The following STK32A variants were observed in gnomAD, a reference collection of about 807,000 sequenced individuals.
The protein encoded by STK32A is serine/threonine-protein kinase 32A.
Under a neutral mutation model 53.2 loss-of-function variants are expected in STK32A, and 41 were observed. That is an observed-to-expected ratio of 0.77 (90% confidence interval 0.60 to 1.00). The LOEUF (loss-of-function observed/expected upper bound fraction) is 1.00, where lower values mean the gene tolerates loss of function less well. Among genes scored for constraint, STK32A ranks in the 50% least tolerant of loss-of-function variants. The probability of loss-of-function intolerance (pLI) is 0.00; values close to 1 mark genes in which losing one functional copy is unlikely to be tolerated. For missense variants in STK32A, 458 were observed against 485.8 expected (o/e 0.94, Z 0.54); for synonymous variants, 166 against 162.8 (o/e 1.02, Z -0.15).
chr5:147,292,960 A>C (rs1166908745), intron 4 of STK32A, among the ~76,000 whole-genome samples: 1 of 152,194 alleles, frequency 6.6e-6, no homozygotes, highest in Non-Finnish European at 1.5e-5. Context: ...CGAACTGATG[A>C]ACTTTTATAT....
At chr5:147,334,234 C>T (rs374088303) in intron 5 of STK32A, among the ~76,000 whole-genome samples, 2 of 152,282 alleles carry the variant, frequency 1.3e-5, no homozygotes, top group South Asian at 2.1e-4. Flanking sequence ...GTCACTACCA[C>T]ATAAAGTAGT....
intron 1 of STK32A, among the ~76,000 whole-genome samples, chr5:147,235,486 C>A (rs1753273739): frequency 6.6e-6 from 1 of 152,320 alleles, no homozygotes; most frequent in South Asian, 2.1e-4. Flanking sequence ...TCTAAACAAG[C>A]AAAACCTAGC....
chr5:147,347,435 C>T (rs564555070), intron 6 of STK32A, among the ~76,000 whole-genome samples: 83 of 152,198 alleles, frequency 5.5e-4, no homozygotes, highest in South Asian at 1.2e-3. Context: ...CGTAATTTTG[C>T]TCTACTCCTT....
At chr5:147,245,482 TTGG>T (rs1286394671) in intron 2 of STK32A, among the ~76,000 whole-genome samples, 1 of 152,186 alleles carries the variant, frequency 6.6e-6, no homozygotes, top group Non-Finnish European at 1.5e-5. Flanking sequence ...TTGTGGTTGG[TTGG>T]TATGGTTTTG....
At chr5:147,383,862 A>C in intron 12 of STK32A, 28 bp from the exon 13 acceptor site, 1 of 1,430,436 alleles carries the variant, frequency 7.0e-7, no homozygotes, top group Non-Finnish European at 9.5e-7. Context: ...AAAGAATAAA[A>C]CATCTTTTTT....
intron 2 of STK32A, among the ~76,000 whole-genome samples, chr5:147,259,838 CTCTG>C (rs1238183285): frequency 7.7e-6 from 1 of 129,806 alleles, no homozygotes; most frequent in Non-Finnish European, 1.6e-5. Flanking sequence ...TTTCTCTCTC[CTCTG>C]TCTCTCTCCT....
At chr5:147,305,373 AC>A (rs1021327808) in intron 4 of STK32A, among the ~76,000 whole-genome samples, 1 of 152,114 alleles carries the variant, frequency 6.6e-6, no homozygotes, top group Non-Finnish European at 1.5e-5. Context: ...CCCTGGCTCC[AC>A]CCACTTCCCT....
At chr5:147,352,546 C>T (rs1431759512) in intron 7 of STK32A, among the ~76,000 whole-genome samples, 1 of 152,276 alleles carries the variant, frequency 6.6e-6, no homozygotes, top group Non-Finnish European at 1.5e-5. Flanking sequence ...CTAGTGTCCT[C>T]GAGGGGGCAC....
At position 147,324,076 on chromosome 5, in the gene STK32A, G is replaced by A. The variant is rs201270813; in HGVS notation, c.434+5G>A. 1.8e-5 allele frequency: 29 copies of A among 1,597,590 alleles called. No homozygotes were observed. Among genetic ancestry groups the A allele is most frequent in the Non-Finnish European group, 2.4e-5 (28 of 1,172,074 alleles). ...GAACCAGCGCATCATTCACAGGTCAGTCAAGTCCAAGGAGATGGCCATGAA... is the reference window on the plus strand; with the variant it reads ...GAACCAGCGCATCATTCACAGGTCAATCAAGTCCAAGGAGATGGCCATGAA... On this transcript the variant is annotated splice_donor_5th_base_variant and intron_variant, in intron 5 of 12. Coordinates refer to ENST00000397936, the MANE Select transcript of STK32A (RefSeq NM_001112724.2).
intron 7 of STK32A, among the ~76,000 whole-genome samples, chr5:147,354,912 A>G (rs969130100): frequency 3.9e-5 from 6 of 152,180 alleles, no homozygotes; most frequent in Admixed American, 3.9e-4. Context: ...TTCCAAAATG[A>G]TTATGTGATT....
chr5:147,340,475 G>A (rs1020379083), intron 5 of STK32A, among the ~76,000 whole-genome samples: 1 of 152,180 alleles, frequency 6.6e-6, no homozygotes, highest in African/African-American at 2.4e-5. Context: ...GTAAAGAAGT[G>A]ATGCTAAAAT....
chr5:147,351,259 C>A, intron 7 of STK32A, 105 bp downstream of exon 7: 1 of 905,724 alleles, frequency 1.1e-6, no homozygotes, highest in Non-Finnish European at 1.7e-6. Context: ...AAGTTCCTCT[C>A]TGACTTTACC....
chr5:147,284,245 C>T (rs887854082), intron 4 of STK32A, among the ~76,000 whole-genome samples: 1 of 151,982 alleles, frequency 6.6e-6, no homozygotes, highest in African/African-American at 2.4e-5. Context: ...AAACCCTCAG[C>T]AAAATCAGCA....
intron 2 of STK32A, among the ~76,000 whole-genome samples, chr5:147,271,781 T>G (rs7716200): frequency 0.59 from 89,886 of 151,816 alleles, 27,039 homozygotes; most frequent in African/African-American, 0.68. Flanking sequence ...TGGTCAGACC[T>G]GTTGCTCTCA....
chr5:147,377,780 C>T (rs1201331736), intron 11 of STK32A, among the ~76,000 whole-genome samples: 1 of 152,014 alleles, frequency 6.6e-6, no homozygotes, highest in Non-Finnish European at 1.5e-5. Flanking sequence ...CACTTGGTTC[C>T]AGTAAACCTT....
At chr5:147,285,783 CA>C (rs1752301311) in intron 4 of STK32A, among the ~76,000 whole-genome samples, 1 of 150,244 alleles carries the variant, frequency 6.7e-6, no homozygotes, top group East Asian at 2.0e-4. Context: ...AAAAAAAAAT[CA>C]AAAAACAGCA....
intron 2 of STK32A, among the ~76,000 whole-genome samples, chr5:147,260,722 T>C (rs4535507): frequency 0.3 from 45,007 of 151,984 alleles, 7,038 homozygotes; most frequent in African/African-American, 0.36. Context: ...GCCGCTCCCC[T>C]AAGGCAGAAT....
At position 147,351,144 on chromosome 5, in the gene STK32A, G is replaced by A. The variant is rs759087306; in HGVS notation, c.552G>A (p.Lys184=). 1 of 1,613,850 alleles carries A rather than the reference G, an allele frequency of 6.2e-7. No homozygotes were observed. Among genetic ancestry groups the A allele is most frequent in the Admixed American group, 1.7e-5 (1 of 60,024 alleles). ...ETQITTMAGT[K]PYMAPEMFSS... is the part of the protein sequence containing the mutation. ...AGATTACCACCATGGCTGGCACCAAGCCTTACATGGGTATGGGTTTCATGA... is the reference window on the plus strand; with the variant it reads ...AGATTACCACCATGGCTGGCACCAAACCTTACATGGGTATGGGTTTCATGA... The change falls in exon 7 of 13, where the codon AAG becomes AAA. Residue 184 remains lysine (K), a synonymous_variant. Transcript: ENST00000397936.
chr5:147,307,403 T>C (rs1334292903), intron 4 of STK32A, among the ~76,000 whole-genome samples: 2 of 152,020 alleles, frequency 1.3e-5, no homozygotes, highest in African/African-American at 4.8e-5. Flanking sequence ...GGCAGATCAC[T>C]TGAGGCCAGG....
Sources: allele counts gnomAD v4.1 joint callset (sites outside exome capture counted in the v4.1 genomes callset), GRCh38; gene constraint gnomAD v4.1.1; transcripts MANE v1.5; gene names NCBI Gene and HGNC (gene_info 2026-07-23, HGNC 2026-07-21).